Variants in ATE1 observed in about 807,000 individuals in gnomAD.
ATE1 encodes arginyl-tRNA--protein transferase 1.
In ATE1, 36 loss-of-function variants were observed where a neutral mutation model predicts 70.5. The observed-to-expected ratio is 0.51, with a 90% CI of 0.39 to 0.67. ATE1 has a LOEUF of 0.67. Ranked by LOEUF, ATE1 falls within the 30% of genes least tolerant of loss-of-function variation. The probability of loss-of-function intolerance (pLI) is 0.00; values close to 1 mark genes in which losing one functional copy is unlikely to be tolerated. For missense variants in ATE1, 593 were observed against 629.5 expected, an observed-to-expected ratio of 0.94 and a Z score of 0.62; for synonymous variants, 232 against 219.3, an observed-to-expected ratio of 1.06 and a Z score of -0.51.
At chr10:121,766,037 T>C (rs1945266105) in intron 11 of ATE1, among the ~76,000 whole-genome samples, 1 of 144,084 alleles carries the variant, frequency 6.9e-6, no homozygotes, top group Non-Finnish European at 1.5e-5. Flanking sequence ...GCTTTACTCT[T>C]GTAAAACTTG....
intron 10 of ATE1, among the ~76,000 whole-genome samples, chr10:121,828,138 T>C (rs184685681): frequency 2.0e-5 from 3 of 152,350 alleles, no homozygotes; most frequent in East Asian, 3.9e-4. Flanking sequence ...TGAGCACATC[T>C]CTAGGCATGA....
At chr10:121,770,130 C>T (rs2173242) in intron 11 of ATE1, among the ~76,000 whole-genome samples, 80,231 of 151,172 alleles carry the variant, frequency 0.53, 21,497 homozygotes, top group Middle Eastern at 0.64. Context: ...GGTTAAATGG[C>T]TAAACGAAGT....
rs532233434 is a variant in ATE1, at chr10:121,832,732, TCA to T, written c.1257+3984_1257+3985del. On this transcript the variant is annotated intron_variant, in intron 10 of 11. Coordinates refer to ENST00000224652, the MANE Select transcript of ATE1 (RefSeq NM_001001976.3). ...ATTAAACCTCTTTTTCTTCCCAGTC[TCA>T]GTTATATCTTTATCAGCAGCGTGAA... is the stretch of plus-strand genomic sequence containing the variant. Among the ~76,000 whole-genome samples, 407 of 152,296 alleles carry T rather than the reference TCA, an allele frequency of 2.7e-3. 4 individuals are homozygous for T. Among genetic ancestry groups the T allele is most frequent in the African/African-American group, 9.5e-3 (393 of 41,562 alleles).
chr10:121,806,854 A>C (rs1947118966), intron 10 of ATE1, among the ~76,000 whole-genome samples: 1 of 152,214 alleles, frequency 6.6e-6, no homozygotes. Flanking sequence ...CTGTTCTTTC[A>C]AGTTTTCTGC....
At chr10:121,855,533 A>G (rs1269715518) in intron 8 of ATE1, among the ~76,000 whole-genome samples, 1 of 152,212 alleles carries the variant, frequency 6.6e-6, no homozygotes, top group Admixed American at 6.5e-5. Flanking sequence ...GTAGAACTGA[A>G]GCGAAAAGCC....
At chr10:121,811,280 A>C (rs1355652163) in intron 10 of ATE1, among the ~76,000 whole-genome samples, 1 of 152,110 alleles carries the variant, frequency 6.6e-6, no homozygotes, top group Non-Finnish European at 1.5e-5. Context: ...AAACAGGGAG[A>C]GAGAGGGGGA....
chr10:121,891,127 T>C (rs913805661), intron 7 of ATE1, among the ~76,000 whole-genome samples: 2 of 152,142 alleles, frequency 1.3e-5, no homozygotes, highest in Admixed American at 1.3e-4. Flanking sequence ...TTCCTCAAGC[T>C]GAGAAAGTGG....
chr10:121,771,037 G>A (rs551818249), intron 11 of ATE1, among the ~76,000 whole-genome samples: 1 of 152,122 alleles, frequency 6.6e-6, no homozygotes, highest in South Asian at 2.1e-4. Context: ...AAAAGCTGAG[G>A]TAACTGAAGT....
In ATE1 at chr10:121,830,497, C is replaced by T. The variant is rs55784711; in HGVS notation, c.1257+6221G>A. Among the ~76,000 whole-genome samples, 849 of 152,208 alleles carry T rather than the reference C, an allele frequency of 5.6e-3. 2 individuals are homozygous for T. Among genetic ancestry groups the T allele is most frequent in the African/African-American group, 0.019 (796 of 41,532 alleles). ...CAAGTGCCATGCCCTTGGACTTTCCCGTCACCAAAATCATAAGCTAAATAA... is the reference window on the plus strand; with the variant it reads ...CAAGTGCCATGCCCTTGGACTTTCCTGTCACCAAAATCATAAGCTAAATAA... On this transcript the variant is annotated intron_variant, in intron 10 of 11. Coordinates refer to ENST00000224652, the MANE Select transcript of ATE1 (RefSeq NM_001001976.3).
At chr10:121,745,782 C>G (rs1944345567) in intron 11 of ATE1, among the ~76,000 whole-genome samples, 2 of 152,070 alleles carry the variant, frequency 1.3e-5, no homozygotes, top group Admixed American at 1.3e-4. Flanking sequence ...CAAGTGTTTC[C>G]ATGCATGTAT....
At position 121,887,131 on chromosome 10, in the gene ATE1, C is replaced by T. The variant is rs143877940; in HGVS notation, c.942+12735G>A. On this transcript the variant is annotated intron_variant, in intron 7 of 11. Coordinates refer to ENST00000224652, the MANE Select transcript of ATE1 (RefSeq NM_001001976.3). Reference sequence around the variant, plus strand: ...TACTTCTTGGGCTGTGAACACACAACTTGCAGAGAGCAAGCTGAGCCAAGA... The same window carrying T: ...TACTTCTTGGGCTGTGAACACACAATTTGCAGAGAGCAAGCTGAGCCAAGA... 5.8e-3 allele frequency among the ~76,000 whole-genome samples: 881 copies of T among 152,234 alleles called. 8 individuals carry two copies. The highest frequency in any genetic ancestry group is 0.021 in the African/African-American group (854 of 41,542).
At chr10:121,798,072 A>G (rs1444757923) in intron 10 of ATE1, among the ~76,000 whole-genome samples, 1 of 152,214 alleles carries the variant, frequency 6.6e-6, no homozygotes, top group Non-Finnish European at 1.5e-5. Context: ...TCCACTTTCT[A>G]AACAGTGGAC....
intron 10 of ATE1, among the ~76,000 whole-genome samples, chr10:121,812,876 A>G (rs977408606): frequency 2.6e-5 from 4 of 152,198 alleles, no homozygotes; most frequent in Non-Finnish European, 2.9e-5. Context: ...CTATCAACTC[A>G]TTATCATCAC....
intron 8 of ATE1, among the ~76,000 whole-genome samples, chr10:121,861,749 T>TAAA (rs5788519): frequency 1.4e-5 from 2 of 147,974 alleles, no homozygotes; most frequent in Non-Finnish European, 1.5e-5. Context: ...TAAAGTATAA[T>TAAA]AAAAAAAAAA....
Position 121,743,505 on chromosome 10 carries a change from CTA to C in ATE1, c.*173_*174del. On this transcript the variant is annotated 3_prime_UTR_variant, in exon 12 of 12. Transcript: ENST00000224652. ...TGCAGTTTTAAAATCTTTATATTAA[CTA>C]TGAGATTCTCACAGATACATTGCCA... 3 of 1,243,016 alleles carry C rather than the reference CTA, an allele frequency of 2.4e-6. No individual in the cohort carries two copies. The highest frequency in any genetic ancestry group is 2.9e-5 in the East Asian group (1 of 34,196). 77.0% of individuals were successfully genotyped at this position (1,243,016 alleles called of 1,614,324 possible).
At chr10:121,806,514 A>AG (rs950710658) in intron 10 of ATE1, among the ~76,000 whole-genome samples, 7 of 152,244 alleles carry the variant, frequency 4.6e-5, no homozygotes, top group South Asian at 2.1e-4. Context: ...CCCAGGATTG[A>AG]GGGGGGGAAA....
intron 11 of ATE1, among the ~76,000 whole-genome samples, chr10:121,759,550 T>A (rs1419947808): frequency 6.6e-6 from 1 of 151,890 alleles, no homozygotes; most frequent in Non-Finnish European, 1.5e-5. Flanking sequence ...GGTGAAACCC[T>A]GTCTCTACTA....
chr10:121,766,424 T>C (rs1248815154), intron 11 of ATE1, among the ~76,000 whole-genome samples: 3 of 152,110 alleles, frequency 2.0e-5, no homozygotes, highest in African/African-American at 7.2e-5. Context: ...GGACATTATA[T>C]ATCAAACAAC....
At chr10:121,898,403 G>A (rs1393261810) in intron 7 of ATE1, among the ~76,000 whole-genome samples, 3 of 152,186 alleles carry the variant, frequency 2.0e-5, no homozygotes, top group East Asian at 1.9e-4. Context: ...TAAAGCAGGC[G>A]AGGCTAAGCT....
Sources: gnomAD v4.1 joint callset for allele counts (sites outside exome capture counted in the v4.1 genomes callset) on GRCh38, gnomAD v4.1.1 for gene constraint, MANE v1.5 for transcripts, NCBI Gene and HGNC (gene_info 2026-07-23, HGNC 2026-07-21) for gene names.